The following GSE1 variants were observed in gnomAD, a reference collection of about 807,000 sequenced individuals.
The protein encoded by GSE1 is genetic suppressor element 1.
GSE1 carries 32 observed loss-of-function variants against 112.6 expected under a neutral mutation model. That is an observed-to-expected ratio of 0.28 (90% confidence interval 0.21 to 0.38). The LOEUF is 0.38. GSE1 is among the 10% of genes least tolerant of loss of function. The probability of loss-of-function intolerance (pLI) is 1.00; values close to 1 mark genes in which losing one functional copy is unlikely to be tolerated. For synonymous variants in GSE1, 1,115 were observed against 735.6 expected (o/e 1.52, Z -8.35); for missense variants, 2,348 against 1,699.2 (o/e 1.38, Z -6.71).
intron 2 of GSE1, among the ~76,000 whole-genome samples, chr16:85,374,783 G>T (rs931320051): frequency 1.3e-5 from 2 of 152,116 alleles, no homozygotes; most frequent in Non-Finnish European, 2.9e-5. Flanking sequence ...CGGGACCCTC[G>T]CCAACCTCCT....
At chr16:85,498,934 C>T (rs1206530934) in intron 2 of GSE1, among the ~76,000 whole-genome samples, 1 of 152,236 alleles carries the variant, frequency 6.6e-6, no homozygotes, top group African/African-American at 2.4e-5. Context: ...ATTGCACAGA[C>T]CGGGGAGAGA....
At chr16:85,384,162 A>G (rs747359461) in intron 2 of GSE1, among the ~76,000 whole-genome samples, 5 of 152,152 alleles carry the variant, frequency 3.3e-5, no homozygotes, top group Admixed American at 6.5e-5. Flanking sequence ...AAAGGAGGGG[A>G]GGGAGGTGCT....
chr16:85,456,164 A>C (rs544652225), intron 2 of GSE1, among the ~76,000 whole-genome samples: 16 of 152,304 alleles, frequency 1.1e-4, no homozygotes, highest in African/African-American at 3.8e-4. Flanking sequence ...ACCGAGGGGT[A>C]GGACAGTATT....
chr16:85,332,164 A>T (rs1448886027), intron 1 of GSE1, among the ~76,000 whole-genome samples: 1 of 152,074 alleles, frequency 6.6e-6, no homozygotes, highest in Non-Finnish European at 1.5e-5. Context: ...CAAGTACCAG[A>T]GGTGACTCAT....
chr16:85,525,052 C>T (rs1157540790), intron 2 of GSE1, among the ~76,000 whole-genome samples: 1 of 152,208 alleles, frequency 6.6e-6, no homozygotes, highest in African/African-American at 2.4e-5. Context: ...GCCTCTGCTG[C>T]AATCGGCCCT....
chr16:85,519,754 A>G (rs1172769156), intron 2 of GSE1, among the ~76,000 whole-genome samples: 1 of 129,490 alleles, frequency 7.7e-6, no homozygotes, highest in Non-Finnish European at 1.7e-5. Flanking sequence ...CAGCATCACC[A>G]TCACCACCAT....
At chr16:85,410,977 A>G (rs1182028220) in intron 2 of GSE1, among the ~76,000 whole-genome samples, 1 of 65,750 alleles carries the variant, frequency 1.5e-5, no homozygotes, top group Non-Finnish European at 2.6e-5. Context: ...TGTTACACTC[A>G]GGGCCCCCCG....
chr16:85,494,820 CT>C (rs1478807978), intron 2 of GSE1, among the ~76,000 whole-genome samples: 1 of 152,258 alleles, frequency 6.6e-6, no homozygotes, highest in Non-Finnish European at 1.5e-5. Context: ...GTGTGACCCC[CT>C]GTTCTTCTGA....
intron 2 of GSE1, among the ~76,000 whole-genome samples, chr16:85,496,783 AG>A (rs1007364199): frequency 3.3e-5 from 5 of 152,202 alleles, no homozygotes; most frequent in African/African-American, 1.2e-4. Flanking sequence ...CCAGGGACCC[AG>A]GACAGGCAGG....
chr16:85,292,392 G>C (rs984065181), intron 1 of GSE1, among the ~76,000 whole-genome samples: 57 of 148,316 alleles, frequency 3.8e-4, no homozygotes, highest in South Asian at 2.0e-3. Context: ...GCAGTGGCGC[G>C]ATCTTGGCTC....
At chr16:85,555,467 C>T (rs540973660), upstream of GSE1, 156 of 984,638 alleles carry the variant, frequency 1.6e-4, no homozygotes, top group African/African-American at 4.5e-4. Context: ...CTGCCGGAGA[C>T]TTGTTTGCAA....
At chr16:85,538,495 G>C (rs913439023) in intron 2 of GSE1, among the ~76,000 whole-genome samples, 3 of 152,220 alleles carry the variant, frequency 2.0e-5, no homozygotes, top group African/African-American at 7.2e-5. Flanking sequence ...GGCATGTACC[G>C]TCTTGTCGCC....
At chr16:85,343,262 C>T (rs765382356) in intron 1 of GSE1, among the ~76,000 whole-genome samples, 3 of 152,186 alleles carry the variant, frequency 2.0e-5, no homozygotes, top group Non-Finnish European at 4.4e-5. Flanking sequence ...AAGGACCGAG[C>T]ACTGTGTGAT....
At chr16:85,489,044 G>A (rs1207375861) in intron 2 of GSE1, among the ~76,000 whole-genome samples, 2 of 152,166 alleles carry the variant, frequency 1.3e-5, no homozygotes, top group African/African-American at 2.4e-5. Context: ...CAGAGCTGCC[G>A]TCCGCAGACC....
chr16:85,668,177 G>C lies in GSE1; in HGVS notation c.3168G>C (p.Lys1056Asn). Residue 1056 changes from lysine (K) to asparagine (N), a missense_variant, in exon 14 of 16, where the codon AAG (lysine) becomes AAC (asparagine). By Grantham distance (94) the Lys-to-Asn change is moderately conservative. Transcript: ENST00000253458. ...TGCTGTCTGCAGAGCAGAACCACAA[G>C]GTTGACACGTCCGTCCACTACAACA... ...VAVLSAEQNH[K>N]VDTSVHYNIP... 3 of 1,606,894 alleles carry C rather than the reference G, an allele frequency of 1.9e-6. No individual in the cohort carries two copies. Among genetic ancestry groups the C allele is most frequent in the South Asian group, 2.2e-5 (2 of 90,342 alleles).
chr16:85,576,694 C>A (rs767195611), intron 1 of GSE1, among the ~76,000 whole-genome samples: 2 of 152,178 alleles, frequency 1.3e-5, no homozygotes, highest in African/African-American at 4.8e-5. Context: ...GTTTTAGAAA[C>A]GCTTTTCTTT....
intron 2 of GSE1, among the ~76,000 whole-genome samples, chr16:85,386,016 C>T (rs1264900683): frequency 6.6e-6 from 1 of 152,210 alleles, no homozygotes; most frequent in Admixed American, 6.5e-5. Context: ...GGGAGGGCAT[C>T]ACTCTGCGGG....
intron 1 of GSE1, among the ~76,000 whole-genome samples, chr16:85,245,957 CGT>C (rs1002948109): frequency 6.4e-5 from 9 of 141,454 alleles, no homozygotes; most frequent in East Asian, 2.0e-4. Context: ...GGGAGCAGGG[CGT>C]GTGTGTGTGG....
intron 1 of GSE1, among the ~76,000 whole-genome samples, chr16:85,258,771 G>T (rs541262699): frequency 6.6e-6 from 1 of 152,200 alleles, no homozygotes; most frequent in African/African-American, 2.4e-5. Flanking sequence ...TCATGTTGGC[G>T]CTTGTCAGGC....
Sources: allele counts gnomAD v4.1 joint callset (sites outside exome capture counted in the v4.1 genomes callset), GRCh38; gene constraint gnomAD v4.1.1; transcripts MANE v1.5; gene names NCBI Gene and HGNC (gene_info 2026-07-23, HGNC 2026-07-21).